The following FNDC3B variants were observed in gnomAD, a reference collection of about 807,000 sequenced individuals.
The protein encoded by FNDC3B is fibronectin type III domain containing 3B.
Under a neutral mutation model 151.5 loss-of-function variants are expected in FNDC3B, and 12 were observed. The ratio of observed to expected loss-of-function variants is 0.08; its 90% confidence interval spans 0.05 to 0.13. The LOEUF (loss-of-function observed/expected upper bound fraction) is 0.13, where lower values mean the gene tolerates loss of function less well. Ranked by LOEUF, FNDC3B falls within the 10% of genes least tolerant of loss-of-function variation. The pLI, the probability that FNDC3B is intolerant of heterozygous loss-of-function variation, is 1.00. For synonymous variants in FNDC3B, 528 were observed against 549.0 expected, an observed-to-expected ratio of 0.96 and a Z score of 0.54; for missense variants, 1,214 against 1,505.3, an observed-to-expected ratio of 0.81 and a Z score of 3.20.
At chr3:172,050,700 CGTGTGTGT>C (rs71975191) in intron 1 of FNDC3B, among the ~76,000 whole-genome samples, 54 of 145,062 alleles carry the variant, frequency 3.7e-4, no homozygotes, top group Middle Eastern at 3.6e-3. Flanking sequence ...GGTATATTTT[CGTGTGTGT>C]GTGTGTGTGT....
chr3:172,054,332 A>G (rs556746784), intron 1 of FNDC3B, among the ~76,000 whole-genome samples: 4 of 152,222 alleles, frequency 2.6e-5, no homozygotes, highest in Non-Finnish European at 5.9e-5. Flanking sequence ...GTGCTTTCCC[A>G]GACGGCCCAG....
At chr3:172,259,430 G>A (rs750476493) in intron 6 of FNDC3B, among the ~76,000 whole-genome samples, 5 of 152,164 alleles carry the variant, frequency 3.3e-5, no homozygotes, top group African/African-American at 7.2e-5. Context: ...GCACTTGAAC[G>A]CCTTGCAACT....
intron 3 of FNDC3B, among the ~76,000 whole-genome samples, chr3:172,177,370 G>A (rs1279348205): frequency 6.6e-6 from 1 of 152,198 alleles, no homozygotes; most frequent in Non-Finnish European, 1.5e-5. Context: ...GAGCTGCTTA[G>A]ATAGAAGTTG....
intron 22 of FNDC3B, among the ~76,000 whole-genome samples, chr3:172,358,181 G>A (rs1445189911): frequency 6.6e-6 from 1 of 152,220 alleles, no homozygotes; most frequent in Non-Finnish European, 1.5e-5. Flanking sequence ...CAGTTGTAAA[G>A]CAGACAAAGT....
intron 3 of FNDC3B, among the ~76,000 whole-genome samples, chr3:172,173,687 G>A (rs561913875): frequency 1.3e-5 from 2 of 151,982 alleles, no homozygotes; most frequent in East Asian, 3.9e-4. Context: ...CAGGCATAGT[G>A]GTGCATACCT....
At chr3:172,215,597 A>T (rs1725938810) in intron 3 of FNDC3B, among the ~76,000 whole-genome samples, 1 of 152,100 alleles carries the variant, frequency 6.6e-6, no homozygotes. Context: ...GGTGGCAGAC[A>T]CCTGTAATCC....
chr3:172,305,086 T>C (rs1731128356), intron 9 of FNDC3B, among the ~76,000 whole-genome samples: 1 of 152,156 alleles, frequency 6.6e-6, no homozygotes, highest in Non-Finnish European at 1.5e-5. Flanking sequence ...TTTAATGAAC[T>C]CTCATCACTC....
intron 2 of FNDC3B, among the ~76,000 whole-genome samples, chr3:172,129,033 G>A (rs1029550462): frequency 4.6e-5 from 7 of 152,140 alleles, no homozygotes; most frequent in Non-Finnish European, 8.8e-5. Context: ...AGTTGGCACC[G>A]TCACGGTTTG....
intron 1 of FNDC3B, among the ~76,000 whole-genome samples, chr3:172,082,593 C>T (rs1329625042): frequency 2.0e-5 from 3 of 152,110 alleles, no homozygotes; most frequent in Non-Finnish European, 2.9e-5. Context: ...CAGCACTGAA[C>T]GAAGCAGCAA....
chr3:172,250,902 C>T (rs1441372509), intron 5 of FNDC3B, among the ~76,000 whole-genome samples: 2 of 152,220 alleles, frequency 1.3e-5, no homozygotes, highest in East Asian at 1.9e-4. Context: ...CTGCAACCTC[C>T]GCCTCCAGGG....
chr3:172,125,421 A>G (rs1720765664), intron 2 of FNDC3B, among the ~76,000 whole-genome samples: 1 of 152,144 alleles, frequency 6.6e-6, no homozygotes, highest in South Asian at 2.1e-4. Flanking sequence ...CCGGGTCAGC[A>G]GTTGCTGAGA....
intron 1 of FNDC3B, among the ~76,000 whole-genome samples, chr3:172,106,657 CA>C (rs543002582): frequency 9.6e-4 from 146 of 152,312 alleles, no homozygotes; most frequent in Non-Finnish European, 1.7e-3. Flanking sequence ...ACTCTCCCAG[CA>C]GTGATTAGGG....
chr3:172,332,938 G>C, intron 13 of FNDC3B, 151 bp from the exon 14 acceptor site: 2 of 708,030 alleles, frequency 2.8e-6, no homozygotes, highest in East Asian at 5.0e-5. Context: ...AATACTCTGG[G>C]CTTCTGATTT....
chr3:172,385,277 T>C (rs1735647002), intron 25 of FNDC3B, among the ~76,000 whole-genome samples: 1 of 152,210 alleles, frequency 6.6e-6, no homozygotes, highest in Non-Finnish European at 1.5e-5. Flanking sequence ...AGGTAATTAC[T>C]GCTGTACATC....
At position 172,383,227 on chromosome 3, in the gene FNDC3B, A is replaced by C. The variant is rs1735548052; in HGVS notation, c.3303+2134A>C. 2.6e-5 allele frequency among the ~76,000 whole-genome samples: 4 copies of C among 152,154 alleles called. No homozygotes were observed. The South Asian group carries it at 8.3e-4, about 32-fold the overall frequency. ...TTCCTAGGTATTTTATTCTCTTTGT[A>C]GCAATTGTGAATGGGAGTTTGCTCA... On this transcript the variant is annotated intron_variant, in intron 25 of 25. Coordinates refer to ENST00000415807, the MANE Select transcript of FNDC3B (RefSeq NM_022763.4).
At chr3:172,180,945 A>G (rs1489930110) in intron 3 of FNDC3B, among the ~76,000 whole-genome samples, 1 of 152,154 alleles carries the variant, frequency 6.6e-6, no homozygotes. Flanking sequence ...GGGCAAAAAA[A>G]TATAATGGGG....
At chr3:172,172,501 G>GTTCCTGGGGGAATATGT in intron 3 of FNDC3B, among the ~76,000 whole-genome samples, 1 of 152,086 alleles carries the variant, frequency 6.6e-6, no homozygotes, top group East Asian at 1.9e-4. Flanking sequence ...TGTTGTCATT[G>GTTCCTGGGGGAATATGT]TTCCTGGGGG....
intron 4 of FNDC3B, among the ~76,000 whole-genome samples, chr3:172,235,516 A>G (rs1325757307): frequency 3.3e-5 from 5 of 152,146 alleles, no homozygotes; most frequent in Non-Finnish European, 5.9e-5. Context: ...TGTTACTGGG[A>G]AGGGTCCAGA....
chr3:172,175,641 T>A (rs142837317), intron 3 of FNDC3B, among the ~76,000 whole-genome samples: 1 of 152,346 alleles, frequency 6.6e-6, no homozygotes, highest in African/African-American at 2.4e-5. Flanking sequence ...TTGATGTAGA[T>A]TCTGCCCTTA....
Sources: gnomAD v4.1 joint callset for allele counts (sites outside exome capture counted in the v4.1 genomes callset) on GRCh38, gnomAD v4.1.1 for gene constraint, MANE v1.5 for transcripts, NCBI Gene and HGNC (gene_info 2026-07-23, HGNC 2026-07-21) for gene names.